NEDD4: variants seen among roughly 807,000 people sequenced by gnomAD.
The protein encoded by NEDD4 is NEDD4 E3 ubiquitin protein ligase.
In NEDD4, 99 loss-of-function variants were observed where a neutral mutation model predicts 144.9. The observed-to-expected ratio is 0.68, with a 90% confidence interval of 0.58 to 0.81. NEDD4 has a LOEUF of 0.81. NEDD4 is among the 30% of genes least tolerant of loss of function. NEDD4 has a pLI of 0.00. For missense variants in NEDD4, 985 were observed against 1,065.9 expected (o/e 0.92, Z 1.06); for synonymous variants, 318 against 350.6 (o/e 0.91, Z 1.04).
rs1296652311 is a variant in NEDD4 at position 55,922,012 on chromosome 15, A to T, written c.291+2634T>A. 2.0e-5 allele frequency among the ~76,000 whole-genome samples: 3 copies of T among 152,360 alleles called. No homozygotes were observed. In the East Asian group the frequency reaches 5.8e-4, roughly 29 times the overall value. Reference sequence around the variant, plus strand: ...ATAATACACTCAATGATCAGGCAAAATTCACATCGGTATCAGTGGCAACAG... The same window carrying T: ...ATAATACACTCAATGATCAGGCAAATTTCACATCGGTATCAGTGGCAACAG... On this transcript the variant is annotated intron_variant, in intron 5 of 28. Transcript: ENST00000435532.
At chr15:55,927,511 G>C (rs2036698344) in intron 4 of NEDD4, among the ~76,000 whole-genome samples, 1 of 152,116 alleles carries the variant, frequency 6.6e-6, no homozygotes, top group Non-Finnish European at 1.5e-5. Flanking sequence ...TGCCTAGGCT[G>C]ATCTTGAACT....
At chr15:55,972,043 A>G (rs1241600008) in intron 1 of NEDD4, among the ~76,000 whole-genome samples, 3 of 152,188 alleles carry the variant, frequency 2.0e-5, no homozygotes, top group African/African-American at 7.2e-5. Flanking sequence ...CTTCAAACAT[A>G]AAGGAGAAAT....
At chr15:55,856,293 A>G in intron 11 of NEDD4, 97 bp from the exon 12 acceptor site, 1 of 1,039,852 alleles carries the variant, frequency 9.6e-7, no homozygotes, top group Non-Finnish European at 1.4e-6. Flanking sequence ...ACAGGGCAGA[A>G]GAGAGAAGGC....
chr15:55,851,874 G>A (rs1054880694), intron 13 of NEDD4, among the ~76,000 whole-genome samples: 1 of 152,112 alleles, frequency 6.6e-6, no homozygotes, highest in Non-Finnish European at 1.5e-5. Flanking sequence ...CCAAAGACGA[G>A]ATCATTTGCT....
chr15:55,932,259 C>T (rs765644471), intron 4 of NEDD4, among the ~76,000 whole-genome samples: 27 of 152,172 alleles, frequency 1.8e-4, no homozygotes, highest in Non-Finnish European at 2.4e-4. Flanking sequence ...TGCTACCTGA[C>T]TTCAAACTAT....
Position 55,872,411 on chromosome 15 carries a change from TG to T in NEDD4, c.404+3del. 7.2e-7 allele frequency: 1 copy of T among 1,385,202 alleles called. No individual in the cohort carries two copies. Among genetic ancestry groups the T allele is most frequent in the Non-Finnish European group, 9.8e-7 (1 of 1,020,774 alleles). 85.8% of individuals were successfully genotyped at this position (1,385,202 alleles called of 1,614,324 possible). A position where few individuals can be genotyped will look rare whatever the true frequency, so the allele number is the denominator to read the frequency against. On this transcript the variant is annotated splice_donor_region_variant and intron_variant, in intron 7 of 28. Transcript: ENST00000435532. ...TATGCTATTATTATTTTATATTTAC[TG>T]ACCTTCTTGGATGAAGAACAAAATC...
In NEDD4 at chr15:55,827,099, T is replaced by C. The variant is rs1397196109; in HGVS notation, c.*2798A>G. ...TAATCAAAATGAATTGTGTTTAACT[T>C]GATACTTATATGGAATAACTTCAGC... On this transcript the variant is annotated 3_prime_UTR_variant, in exon 29 of 29. Transcript: ENST00000435532. The C allele has an allele frequency of 6.6e-6, 1 of 152,238 alleles. No homozygotes were observed. Among genetic ancestry groups the C allele is most frequent in the African/African-American group, 2.4e-5 (1 of 41,448 alleles). The allele number at this position is 152,238 out of a possible 1,614,324, so 9.4% of individuals were successfully genotyped here.
At chr15:55,923,792 C>CA (rs1156744694) in intron 5 of NEDD4, among the ~76,000 whole-genome samples, 8 of 149,306 alleles carry the variant, frequency 5.4e-5, no homozygotes, top group African/African-American at 7.4e-5. Context: ...TTCTTGAGGG[C>CA]AAAAAAAACA....
chr15:55,944,979 G>A (rs1303976568), intron 4 of NEDD4, among the ~76,000 whole-genome samples: 1 of 152,036 alleles, frequency 6.6e-6, no homozygotes, highest in Non-Finnish European at 1.5e-5. Context: ...CAACAAAAAG[G>A]ACATACACAC....
chr15:55,889,483 T>G (rs1275807769), intron 5 of NEDD4, among the ~76,000 whole-genome samples: 2 of 152,120 alleles, frequency 1.3e-5, no homozygotes, highest in African/African-American at 4.8e-5. Flanking sequence ...AAAGACAAAC[T>G]TCACATGTTC....
At chr15:55,921,198 T>G (rs1483493566) in intron 5 of NEDD4, among the ~76,000 whole-genome samples, 1 of 152,226 alleles carries the variant, frequency 6.6e-6, no homozygotes. Flanking sequence ...TTGTCCTCAT[T>G]TTTTAAATGT....
At chr15:55,989,962 A>C (rs1005810506) in intron 1 of NEDD4, among the ~76,000 whole-genome samples, 9 of 151,976 alleles carry the variant, frequency 5.9e-5, no homozygotes, top group Non-Finnish European at 7.4e-5. Flanking sequence ...GCGGCATTAG[A>C]TTCTCATAAG....
chr15:55,969,250 G>A (rs1165067080), intron 1 of NEDD4, among the ~76,000 whole-genome samples: 6 of 152,220 alleles, frequency 3.9e-5, no homozygotes, highest in Non-Finnish European at 1.5e-5. Flanking sequence ...ACCAGCCTCA[G>A]CCAGAGGGGA....
chr15:55,987,133 G>A (rs1765304902), intron 1 of NEDD4: 1 of 112,932 alleles, frequency 8.9e-6, no homozygotes, highest in Non-Finnish European at 1.8e-5. Context: ...TCCAGCACCT[G>A]TTGTTTCCTG....
chr15:55,843,696 G>A lies in NEDD4; in HGVS notation c.1609-1533C>T, dbSNP rs117135970. Among the ~76,000 whole-genome samples the A allele has an allele frequency of 3.2e-4, 48 of 152,200 alleles. 1 individual carries two copies. In the East Asian group the frequency reaches 8.1e-3, roughly 26 times the overall value. On this transcript the variant is annotated intron_variant, in intron 18 of 28. Coordinates refer to ENST00000435532, the MANE Select transcript of NEDD4 (RefSeq NM_006154.4). ...GCCCTATAGAAACATAATAATGTAA[G>A]CAGTTGATATAAGCAATATAAGCAT...
chr15:55,865,552 T>TTA (rs1555396632), intron 8 of NEDD4, among the ~76,000 whole-genome samples: 1 of 149,040 alleles, frequency 6.7e-6, no homozygotes, highest in African/African-American at 2.5e-5. Context: ...TAAATAACAT[T>TTA]AAAAAAAAAA....
intron 7 of NEDD4, among the ~76,000 whole-genome samples, chr15:55,871,025 C>A (rs942042783): frequency 6.6e-6 from 1 of 152,080 alleles, no homozygotes; most frequent in South Asian, 2.1e-4. Context: ...AGATTACCTA[C>A]CCCCACTCCC....
intron 2 of NEDD4, among the ~76,000 whole-genome samples, chr15:55,961,571 T>C (rs1343087805): frequency 1.3e-5 from 2 of 151,962 alleles, no homozygotes; most frequent in Non-Finnish European, 2.9e-5. Context: ...CCCGGGTTCA[T>C]ATCATTCTCC....
chr15:55,890,964 ATCTCCATTG>A (rs1257777855), intron 5 of NEDD4, among the ~76,000 whole-genome samples: 1 of 152,124 alleles, frequency 6.6e-6, no homozygotes, highest in African/African-American at 2.4e-5. Context: ...TACAGCTTTC[ATCTCCATTG>A]GAGAGGCAGT....
Sources: gnomAD v4.1 joint callset for allele counts (sites outside exome capture counted in the v4.1 genomes callset) on GRCh38, gnomAD v4.1.1 for gene constraint, MANE v1.5 for transcripts, NCBI Gene and HGNC (gene_info 2026-07-23, HGNC 2026-07-21) for gene names.